The following RBFOX3 variants were observed in gnomAD, a reference collection of about 807,000 sequenced individuals.
The protein encoded by RBFOX3 is RNA binding protein fox-1 homolog 3.
In RBFOX3, 17 loss-of-function variants were observed where a neutral mutation model predicts 48.7. The ratio of observed to expected loss-of-function variants is 0.35; its 90% CI spans 0.24 to 0.52. The LOEUF is 0.52. Among genes scored for constraint, RBFOX3 ranks in the 20% least tolerant of loss-of-function variants. The pLI is 0.94. For synonymous variants in RBFOX3, 212 were observed against 209.5 expected (o/e 1.01, Z -0.10); for missense variants, 382 against 497.5 (o/e 0.77, Z 2.21).
At chr17:79,402,241 C>T (rs924078989) in intron 2 of RBFOX3, among the ~76,000 whole-genome samples, 13 of 152,200 alleles carry the variant, frequency 8.5e-5, no homozygotes, top group African/African-American at 3.1e-4. Flanking sequence ...CCTCCTTTGC[C>T]AGTGCAGAAG....
intron 1 of RBFOX3, among the ~76,000 whole-genome samples, chr17:79,517,558 C>G (rs2085438267): frequency 0.023 from 1 of 44 alleles, no homozygotes; most frequent in Admixed American, 0.25. Flanking sequence ...TTCAGGGGCC[C>G]CCATTCCTAT....
intron 12 of RBFOX3, among the ~76,000 whole-genome samples, chr17:79,096,002 C>T (rs2075158384): frequency 6.6e-6 from 1 of 152,206 alleles, no homozygotes. Flanking sequence ...GGAGAACCCA[C>T]AGTGACTCTG....
intron 14 of RBFOX3, among the ~76,000 whole-genome samples, chr17:79,091,605 G>A (rs1326133629): frequency 6.6e-6 from 1 of 152,216 alleles, no homozygotes; most frequent in Non-Finnish European, 1.5e-5. Flanking sequence ...GACTGACCTG[G>A]GGCTGACCGG....
At chr17:79,353,198 T>G (rs1259923224) in intron 2 of RBFOX3, among the ~76,000 whole-genome samples, 5 of 152,236 alleles carry the variant, frequency 3.3e-5, no homozygotes, top group African/African-American at 1.2e-4. Flanking sequence ...CCAGGGCCTC[T>G]GCGGCTGCTG....
At chr17:79,264,442 C>A (rs527937599) in intron 3 of RBFOX3, among the ~76,000 whole-genome samples, 1 of 151,722 alleles carries the variant, frequency 6.6e-6, no homozygotes, top group Admixed American at 6.6e-5. Context: ...TGGGCTCAAG[C>A]GATTCTCCTG....
intron 1 of RBFOX3, among the ~76,000 whole-genome samples, chr17:79,590,418 G>A (rs2093383352): frequency 6.6e-6 from 1 of 152,210 alleles, no homozygotes; most frequent in Admixed American, 6.5e-5. Context: ...CTGCAGAGCT[G>A]GAAACTCATT....
intron 4 of RBFOX3, among the ~76,000 whole-genome samples, chr17:79,219,431 C>T (rs2059448279): frequency 6.6e-6 from 1 of 152,234 alleles, no homozygotes; most frequent in South Asian, 2.1e-4. Context: ...CACACAGACA[C>T]ACACACATAC....
At chr17:79,403,789 T>TTC (rs1307466322) in intron 2 of RBFOX3, among the ~76,000 whole-genome samples, 1 of 147,248 alleles carries the variant, frequency 6.8e-6, no homozygotes, top group African/African-American at 2.5e-5. Flanking sequence ...TTTCTTTTTT[T>TTC]TTTTTTTTTT....
chr17:79,590,047 G>A (rs1220731562), intron 1 of RBFOX3, among the ~76,000 whole-genome samples: 3 of 152,136 alleles, frequency 2.0e-5, no homozygotes, highest in South Asian at 2.1e-4. Context: ...CTGCAGGGGC[G>A]GTGGGGGACC....
Position 79,097,273 on chromosome 17 carries a change from C to T in RBFOX3, c.755+19G>A. 2 of 1,533,232 alleles carry T rather than the reference C, an allele frequency of 1.3e-6. No homozygotes were observed. Among genetic ancestry groups the T allele is most frequent in the Non-Finnish European group, 1.8e-6 (2 of 1,135,222 alleles). The allele number at this position is 1,533,232 out of a possible 1,614,324, so 95.0% of individuals were successfully genotyped here. On this transcript the variant is annotated intron_variant, in intron 11 of 14. Transcript: ENST00000693108. ...CGTCCTACCCCCTCCTCCACGCCTCCCCCGGCCCAGGTACTCACGCTCCGT... is the reference window on the plus strand; with the variant it reads ...CGTCCTACCCCCTCCTCCACGCCTCTCCCGGCCCAGGTACTCACGCTCCGT...
chr17:79,273,709 G>A (rs772385214), intron 3 of RBFOX3, among the ~76,000 whole-genome samples: 7 of 152,310 alleles, frequency 4.6e-5, no homozygotes, highest in Non-Finnish European at 7.4e-5. Flanking sequence ...AGTGATGTCC[G>A]AGCGGGGCAG....
intron 11 of RBFOX3, 83 bp downstream of exon 11, chr17:79,097,209 T>G: frequency 3.9e-6 from 3 of 775,880 alleles, no homozygotes; most frequent in Non-Finnish European, 5.2e-6. Context: ...GCCTAGCCCC[T>G]CGCACTGCGC....
intron 1 of RBFOX3, among the ~76,000 whole-genome samples, chr17:79,561,786 T>C (rs1385714504): frequency 2.6e-5 from 4 of 152,146 alleles, no homozygotes; most frequent in East Asian, 1.9e-4. Context: ...GAGGGGCACA[T>C]GAGGGTAGGG....
chr17:79,553,233 G>A (rs1017478349), intron 1 of RBFOX3, among the ~76,000 whole-genome samples: 3 of 152,244 alleles, frequency 2.0e-5, no homozygotes, highest in Non-Finnish European at 2.9e-5. Flanking sequence ...AAAGATAATC[G>A]TGTGTTAATT....
chr17:79,106,816 G>A (rs1306177475), intron 5 of RBFOX3, 28 bp from the exon 6 acceptor site: 2 of 1,488,434 alleles, frequency 1.3e-6, no homozygotes, highest in East Asian at 2.8e-5. Context: ...GGCTGTGGAG[G>A]CTGCCTCTGT....
chr17:79,298,396 G>A (rs1051498731), intron 3 of RBFOX3: 7 of 152,212 alleles, frequency 4.6e-5, no homozygotes, highest in Non-Finnish European at 2.9e-5. Flanking sequence ...GGAGAGTTGT[G>A]GCTAGCTTCT....
intron 4 of RBFOX3, among the ~76,000 whole-genome samples, chr17:79,153,223 G>A (rs945807245): frequency 1.3e-5 from 2 of 152,200 alleles, no homozygotes; most frequent in African/African-American, 2.4e-5. Flanking sequence ...GGTGGGTGGC[G>A]GACACAGCAG....
At position 79,391,168 on chromosome 17, in the gene RBFOX3, T is replaced by A. The variant is rs1465071854; in HGVS notation, c.-174-83344A>T. On this transcript the variant is annotated intron_variant, in intron 2 of 14. Transcript: ENST00000693108. The surrounding 1 kb of genome is among the most constrained non-coding windows in gnomAD (Gnocchi z 5.0). ...CAGTCTGATTAACTTTTCTAAAACC[T>A]CACTACCACTGTATCAAACTCCAGC... 6.6e-6 allele frequency among the ~76,000 whole-genome samples: 1 copy of A among 152,058 alleles called. No individual in the cohort carries two copies. The highest frequency in any genetic ancestry group is 1.5e-5 in the Non-Finnish European group (1 of 68,024).
intron 2 of RBFOX3, among the ~76,000 whole-genome samples, chr17:79,371,711 T>C (rs1568128970): frequency 6.6e-6 from 1 of 152,024 alleles, no homozygotes; most frequent in Non-Finnish European, 1.5e-5. Context: ...TTCTCGAAAA[T>C]GTGGAAACCA....
Sources: allele counts gnomAD v4.1 joint callset (sites outside exome capture counted in the v4.1 genomes callset), GRCh38; gene constraint gnomAD v4.1.1; non-coding constraint Gnocchi (gnomAD v3.1); transcripts MANE v1.5; gene names NCBI Gene and HGNC (gene_info 2026-07-23, HGNC 2026-07-21).